The following SLC9C1 variants were observed in gnomAD, a reference collection of about 807,000 sequenced individuals.
The protein encoded by SLC9C1 is solute carrier family 9 member C1.
SLC9C1 carries 97 observed loss-of-function variants against 140.9 expected under a neutral mutation model. The ratio of observed to expected loss-of-function variants is 0.69; its 90% CI spans 0.58 to 0.82. The LOEUF (loss-of-function observed/expected upper bound fraction) is 0.82. SLC9C1 is among the 40% of genes least tolerant of loss of function. SLC9C1 has a pLI of 0.00. For synonymous variants in SLC9C1, 440 were observed against 442.6 expected (o/e 0.99, Z 0.07); for missense variants, 1,340 against 1,389.3 (o/e 0.96, Z 0.56).
chr3:112,221,090 G>A (rs762955754), intron 14 of SLC9C1, 38 bp downstream of exon 14: 26 of 1,550,156 alleles, frequency 1.7e-5, no homozygotes, highest in Middle Eastern at 3.4e-4. Context: ...TAAATGCTGT[G>A]GCTTAGAATA....
rs777306636 is a variant in SLC9C1, at chr3:112,180,671, T to A, written c.2650-9A>T. ...ACAACTTTGGCTTTTTCCTAAAAGA[T>A]ACCACCAAATACATAAACTATAAAC... On this transcript the variant is annotated splice_polypyrimidine_tract_variant and intron_variant, in intron 21 of 28. Transcript: ENST00000305815. 1.3e-6 allele frequency: 2 copies of A among 1,572,242 alleles called. No individual in the cohort carries two copies. Among genetic ancestry groups the A allele is most frequent in the Admixed American group, 3.4e-5 (2 of 57,998 alleles).
rs779790309 is a variant in SLC9C1, at chr3:112,168,826, T to A, written c.3237+51A>T. 3.4e-6 allele frequency: 5 copies of A among 1,452,240 alleles called. 1 individual carries two copies. The highest frequency in any genetic ancestry group is 4.6e-6 in the Non-Finnish European group (5 of 1,078,552). 90.0% of individuals were successfully genotyped at this position (1,452,240 alleles called of 1,614,324 possible). On this transcript the variant is annotated intron_variant, in intron 25 of 28. Transcript: ENST00000305815. ...GACAGTTTTTCTGACGTTAATACATTGTTGGACATATGGCATATTGATCTG... is the reference window on the plus strand; with the variant it reads ...GACAGTTTTTCTGACGTTAATACATAGTTGGACATATGGCATATTGATCTG...
chr3:112,169,111 G>T, intron 24 of SLC9C1, 49 bp from the exon 25 acceptor site: 1 of 1,571,358 alleles, frequency 6.4e-7, no homozygotes, highest in Non-Finnish European at 8.6e-7. Flanking sequence ...ATGAAGTTCA[G>T]TATATATTCA....
intron 13 of SLC9C1, among the ~76,000 whole-genome samples, chr3:112,229,786 A>G (rs2078774138): frequency 6.6e-6 from 1 of 152,064 alleles, no homozygotes; most frequent in South Asian, 2.1e-4. Flanking sequence ...AAACAAAACT[A>G]TCCAGAAAAG....
chr3:112,287,318 A>G (rs2080538857), intron 1 of SLC9C1, among the ~76,000 whole-genome samples: 1 of 152,232 alleles, frequency 6.6e-6, no homozygotes, highest in African/African-American at 2.4e-5. Context: ...AAAAGCAGGG[A>G]AGAATATTTG....
chr3:112,240,581 T>C (rs2079114022), intron 11 of SLC9C1, among the ~76,000 whole-genome samples: 1 of 152,210 alleles, frequency 6.6e-6, no homozygotes, highest in Admixed American at 6.5e-5. Flanking sequence ...GTCTCTGCCT[T>C]ATGGTCTTTG....
At position 112,199,401 on chromosome 3, in the gene SLC9C1, G is replaced by A. The variant is rs775842322; in HGVS notation, c.2443C>T (p.Leu815Phe). The A allele has an allele frequency of 6.3e-6, 10 of 1,599,212 alleles. No homozygotes were observed. The highest frequency in any genetic ancestry group is 7.7e-6 in the Non-Finnish European group (9 of 1,173,006). Reference protein sequence around the residue: ...VKTKEEINVMLNMATEILKAF... With the variant: ...VKTKEEINVMFNMATEILKAF... ...TTAAGAATTTCTGTAGCCATATTGA[G>A]CATAACATTAATTTCTTCCTTTGTT... The change falls in exon 20 of 29, where the codon CTC (leucine) becomes TTC (phenylalanine). Residue 815 changes from leucine (L) to phenylalanine (F), a missense_variant. Leu to Phe is a conservative substitution (Grantham distance 22, BLOSUM62 0). Coordinates refer to ENST00000305815, the MANE Select transcript of SLC9C1 (RefSeq NM_183061.3).
At chr3:112,229,116 A>G (rs952924301) in intron 13 of SLC9C1, among the ~76,000 whole-genome samples, 5 of 152,118 alleles carry the variant, frequency 3.3e-5, no homozygotes, top group African/African-American at 4.8e-5. Flanking sequence ...TATGGAAGCT[A>G]TAAAAGTTGA....
chr3:112,241,268 T>C (rs531700495), intron 11 of SLC9C1, among the ~76,000 whole-genome samples: 1 of 152,218 alleles, frequency 6.6e-6, no homozygotes, highest in South Asian at 2.1e-4. Flanking sequence ...TGCATGCCTG[T>C]ACCAAAACAT....
intron 7 of SLC9C1, among the ~76,000 whole-genome samples, chr3:112,267,521 A>C (rs984533078): frequency 7.2e-6 from 1 of 138,552 alleles, no homozygotes; most frequent in Non-Finnish European, 1.5e-5. Flanking sequence ...GTTTGCAGTG[A>C]GCAGAGATTG....
intron 13 of SLC9C1, among the ~76,000 whole-genome samples, chr3:112,231,158 CTT>C (rs869164095): frequency 1.0e-5 from 1 of 95,930 alleles, no homozygotes; most frequent in African/African-American, 3.5e-5. Context: ...TTCTTTCTTT[CTT>C]TCTCTTTCTT....
chr3:112,268,761 A>G (rs1452405292), intron 7 of SLC9C1, among the ~76,000 whole-genome samples: 1 of 152,194 alleles, frequency 6.6e-6, no homozygotes, highest in Non-Finnish European at 1.5e-5. Flanking sequence ...CTTCAGAATT[A>G]TTTTAAATCA....
intron 23 of SLC9C1, among the ~76,000 whole-genome samples, chr3:112,171,627 G>T (rs1006867503): frequency 2.0e-5 from 3 of 151,958 alleles, no homozygotes; most frequent in African/African-American, 4.8e-5. Context: ...TTTAATTTTG[G>T]TGACATCCAA....
intron 5 of SLC9C1, 47 bp from the exon 6 acceptor site, chr3:112,275,072 T>A (rs377295665): frequency 6.5e-5 from 98 of 1,502,214 alleles, no homozygotes; most frequent in Non-Finnish European, 8.0e-5. Flanking sequence ...GAGAAAAACA[T>A]TAAAAATTAA....
At chr3:112,275,808 T>C (rs1435953141) in intron 5 of SLC9C1, among the ~76,000 whole-genome samples, 1 of 152,136 alleles carries the variant, frequency 6.6e-6, no homozygotes, top group African/African-American at 2.4e-5. Flanking sequence ...CCTTGGCCAT[T>C]CCATACTTCA....
rs529920066 is a variant in SLC9C1 at position 112,212,135 on chromosome 3, A to C, written c.1791-3762T>G. On this transcript the variant is annotated intron_variant, in intron 15 of 28. Coordinates refer to ENST00000305815, the MANE Select transcript of SLC9C1 (RefSeq NM_183061.3). ...CTCCAGCAAACTCCAACAGACCTGC[A>C]GCTGAGGGTCCTGACTGTTAGAAGG... Among the ~76,000 whole-genome samples, 23 of 152,364 alleles carry C rather than the reference A, an allele frequency of 1.5e-4. No homozygotes were observed. The East Asian group carries it at 4.2e-3, about 28-fold the overall frequency.
chr3:112,254,176 G>A (rs527471246), intron 10 of SLC9C1, among the ~76,000 whole-genome samples: 4 of 152,120 alleles, frequency 2.6e-5, no homozygotes, highest in African/African-American at 9.7e-5. Context: ...TCAGAAAATT[G>A]TTCATGAAAC....
At chr3:112,161,367 A>T (rs1196936476) in intron 26 of SLC9C1, among the ~76,000 whole-genome samples, 3 of 152,094 alleles carry the variant, frequency 2.0e-5, no homozygotes, top group African/African-American at 4.8e-5. Context: ...CTGAATGGTA[A>T]TGCCTAGGTT....
chr3:112,239,803 C>G, intron 12 of SLC9C1, 37 bp downstream of exon 12: 1 of 1,536,834 alleles, frequency 6.5e-7, no homozygotes, highest in Non-Finnish European at 8.8e-7. Flanking sequence ...ATAATCAAAT[C>G]TGCATTAAAG....
Sources: gnomAD v4.1 joint callset for allele counts (sites outside exome capture counted in the v4.1 genomes callset) on GRCh38, gnomAD v4.1.1 for gene constraint, MANE v1.5 for transcripts, NCBI Gene and HGNC (gene_info 2026-07-23, HGNC 2026-07-21) for gene names.